Variants in INPP4B observed in about 807,000 individuals in gnomAD.
The protein encoded by INPP4B is inositol polyphosphate 4-phosphatase type II.
Under a neutral mutation model 122.5 loss-of-function variants are expected in INPP4B, and 55 were observed. The ratio of observed to expected loss-of-function variants is 0.45; its 90% CI spans 0.36 to 0.56. INPP4B has a LOEUF of 0.56. Among genes scored for constraint, INPP4B ranks in the 20% least tolerant of loss-of-function variants. INPP4B has a pLI of 0.00. For synonymous variants in INPP4B, 403 were observed against 388.7 expected, an observed-to-expected ratio of 1.04 and a Z score of -0.43; for missense variants, 1,000 against 1,097.7, an observed-to-expected ratio of 0.91 and a Z score of 1.26.
Position 142,305,953 on chromosome 4 carries a change from C to A in INPP4B, c.424-416G>T, listed in dbSNP as rs550189613. 7.9e-6 allele frequency: 8 copies of A among 1,010,682 alleles called. No homozygotes were observed. The South Asian group carries it at 1.2e-4, about 15-fold the overall frequency. The allele number at this position is 1,010,682 out of a possible 1,614,324, so 62.6% of individuals were successfully genotyped here. ...CTTTGTATTCCAGATATGAGCAAAT[C>A]TGTTAGTTGGAGCTATTTTTATGTG... is the stretch of plus-strand genomic sequence containing the variant. On this transcript the variant is annotated intron_variant, in intron 8 of 25. Transcript: ENST00000262992.
At chr4:142,747,903 G>T (rs1179083407) in intron 1 of INPP4B, among the ~76,000 whole-genome samples, 1 of 152,038 alleles carries the variant, frequency 6.6e-6, no homozygotes, top group Admixed American at 6.6e-5. Flanking sequence ...GATACCATTA[G>T]GAGAAATACC....
At chr4:142,524,778 A>G (rs1341892707) in intron 2 of INPP4B, among the ~76,000 whole-genome samples, 1 of 151,844 alleles carries the variant, frequency 6.6e-6, no homozygotes, top group African/African-American at 2.4e-5. Context: ...CACAGCCAAT[A>G]TCATACTGAA....
At chr4:142,416,782 A>G (rs1012137582) in intron 5 of INPP4B, among the ~76,000 whole-genome samples, 2 of 152,158 alleles carry the variant, frequency 1.3e-5, no homozygotes, top group Admixed American at 1.3e-4. Flanking sequence ...GACAATCTCA[A>G]TATTCATTTG....
intron 21 of INPP4B, among the ~76,000 whole-genome samples, chr4:142,115,411 G>A (rs1792637655): frequency 6.6e-6 from 1 of 152,148 alleles, no homozygotes; most frequent in Non-Finnish European, 1.5e-5. Context: ...CAGTCAGAGA[G>A]AAAGATTGGG....
chr4:142,293,874 A>G (rs1249433017), intron 9 of INPP4B, among the ~76,000 whole-genome samples: 1 of 152,246 alleles, frequency 6.6e-6, no homozygotes, highest in African/African-American at 2.4e-5. Context: ...CTTAGAACTG[A>G]CAATATCTTT....
chr4:142,131,018 G>A (rs1266889073), intron 18 of INPP4B, among the ~76,000 whole-genome samples: 1 of 152,150 alleles, frequency 6.6e-6, no homozygotes, highest in African/African-American at 2.4e-5. Flanking sequence ...CAGTTTCCAG[G>A]AACCAAATCC....
intron 2 of INPP4B, among the ~76,000 whole-genome samples, chr4:142,581,165 A>T (rs1212360199): frequency 6.6e-6 from 1 of 152,094 alleles, no homozygotes; most frequent in Non-Finnish European, 1.5e-5. Context: ...AGGTTAAAAA[A>T]ATATACTTTT....
intron 21 of INPP4B, among the ~76,000 whole-genome samples, chr4:142,115,568 ATAAGTGGAGGAGAAATAAAATCTT>A (rs1792787034): frequency 2.0e-5 from 3 of 152,220 alleles, no homozygotes; most frequent in African/African-American, 7.2e-5. Flanking sequence ...ACTAAGCTTC[ATAAGTGGAGGAGAAATAAAATCTT>A]TTACAGACAA....
intron 2 of INPP4B, among the ~76,000 whole-genome samples, chr4:142,705,755 C>T (rs188164614): frequency 5.9e-5 from 9 of 152,256 alleles, no homozygotes; most frequent in African/African-American, 1.9e-4. Context: ...ACTCCAGTCT[C>T]ACAGGATTAT....
chr4:142,057,316 A>G (rs1034755351), intron 25 of INPP4B, among the ~76,000 whole-genome samples: 2 of 152,138 alleles, frequency 1.3e-5, no homozygotes, highest in Non-Finnish European at 2.9e-5. Flanking sequence ...CTAAAGTTAC[A>G]GAAACGTAAC....
chr4:142,835,873 T>C (rs1275141116), intron 1 of INPP4B, among the ~76,000 whole-genome samples: 1 of 152,200 alleles, frequency 6.6e-6, no homozygotes, highest in African/African-American at 2.4e-5. Flanking sequence ...TCAAGCTTCA[T>C]GTTTCCCTTC....
intron 25 of INPP4B, chr4:142,029,132 T>TTACTC: frequency 8.0e-7 from 1 of 1,253,976 alleles, no homozygotes; most frequent in African/African-American, 1.5e-5. Flanking sequence ...TTAAGTCTCT[T>TTACTC]TACTCTTAAC....
intron 7 of INPP4B, among the ~76,000 whole-genome samples, chr4:142,315,042 G>T (rs369565227): frequency 6.6e-6 from 1 of 152,096 alleles, no homozygotes; most frequent in Non-Finnish European, 1.5e-5. Context: ...CTCCTAAAAA[G>T]GCAATCTTCA....
At chr4:142,624,029 A>T (rs1033685878) in intron 2 of INPP4B, among the ~76,000 whole-genome samples, 1 of 152,004 alleles carries the variant, frequency 6.6e-6, no homozygotes, top group African/African-American at 2.4e-5. Flanking sequence ...CAATAAACAT[A>T]CGTGTGCATG....
chr4:142,074,630 G>T (rs1159700395), intron 25 of INPP4B, among the ~76,000 whole-genome samples: 1 of 151,964 alleles, frequency 6.6e-6, no homozygotes, highest in African/African-American at 2.4e-5. Context: ...CTGATGTTTT[G>T]CTGTTACTTA....
At chr4:142,129,324 T>G (rs549015678) in intron 18 of INPP4B, among the ~76,000 whole-genome samples, 1 of 152,306 alleles carries the variant, frequency 6.6e-6, no homozygotes, top group African/African-American at 2.4e-5. Context: ...TTATAAAATT[T>G]TTGTTGATTT....
At chr4:142,493,409 A>G (rs9992963) in intron 2 of INPP4B, among the ~76,000 whole-genome samples, 353 of 152,274 alleles carry the variant, frequency 2.3e-3, no homozygotes, top group African/African-American at 8.1e-3. Flanking sequence ...GCACCTAGAA[A>G]AGCCACAGAC....
At chr4:142,150,986 T>A (rs1813609859) in intron 17 of INPP4B, among the ~76,000 whole-genome samples, 1 of 152,244 alleles carries the variant, frequency 6.6e-6, no homozygotes. Flanking sequence ...TTTCCATGAA[T>A]AATTTCTCAC....
At position 142,794,789 on chromosome 4, in the gene INPP4B, G is replaced by A. The variant is rs114718612; in HGVS notation, c.-254+51420C>T. Among the ~76,000 whole-genome samples, 587 of 151,756 alleles carry A rather than the reference G, an allele frequency of 3.9e-3. 5 individuals carry two copies. Among genetic ancestry groups the A allele is most frequent in the African/African-American group, 0.013 (555 of 41,436 alleles). On this transcript the variant is annotated intron_variant, in intron 1 of 25. Transcript: ENST00000262992. ...AGAAATATCACAACTCTTCACAAAA[G>A]GAGCAATAAAAAAACCCCAAAATTT...
Sources: allele counts gnomAD v4.1 joint callset (sites outside exome capture counted in the v4.1 genomes callset), GRCh38; gene constraint gnomAD v4.1.1; transcripts MANE v1.5; gene names NCBI Gene and HGNC (gene_info 2026-07-23, HGNC 2026-07-21).